Variants in MTR observed in about 807,000 individuals in gnomAD.
MTR encodes the protein 5-methyltetrahydrofolate-homocysteine methyltransferase.
A neutral mutation model predicts 154.8 loss-of-function variants in MTR; 84 were observed. That is an observed-to-expected ratio of 0.54 (90% CI 0.45 to 0.65). The LOEUF (loss-of-function observed/expected upper bound fraction) is 0.65. Ranked by LOEUF, MTR falls within the 30% of genes least tolerant of loss-of-function variation. MTR has a pLI of 0.00. For missense variants in MTR, 1,275 were observed against 1,570.2 expected (o/e 0.81, Z 3.18); for synonymous variants, 554 against 553.9 (o/e 1.00, Z 0.00).
At chr1:236,821,581 C>G (rs1322599198) in intron 8 of MTR, among the ~76,000 whole-genome samples, 2 of 152,048 alleles carry the variant, frequency 1.3e-5, no homozygotes, top group African/African-American at 4.8e-5. Context: ...TTCTAGTTAC[C>G]AGTTTTTTTT....
chr1:236,851,271 C>T (rs1454049435), intron 16 of MTR, among the ~76,000 whole-genome samples: 2 of 152,178 alleles, frequency 1.3e-5, no homozygotes, highest in African/African-American at 4.8e-5. Flanking sequence ...CAGCTCTCAT[C>T]CTGTACACAG....
chr1:236,876,861 C>T (rs999920267), intron 24 of MTR, among the ~76,000 whole-genome samples: 7 of 152,170 alleles, frequency 4.6e-5, no homozygotes, highest in African/African-American at 1.2e-4. Context: ...TCAGTTACTG[C>T]GAAATATCTA....
Position 236,827,827 on chromosome 1 carries a change from G to GT in MTR, c.995+937dup, listed in dbSNP as rs542111242. 2.5e-3 allele frequency among the ~76,000 whole-genome samples: 383 copies of GT among 152,196 alleles called. 2 individuals carry two copies. The highest frequency in any genetic ancestry group is 8.1e-3 in the African/African-American group (337 of 41,540). On this transcript the variant is annotated intron_variant, in intron 11 of 32. Transcript: ENST00000366577. ...ACATTGTTTAGGACTGTTTATATTTGTTTTTTCCCTGGAGTGACTGATGAT... is the reference window on the plus strand; with the variant it reads ...ACATTGTTTAGGACTGTTTATATTTGTTTTTTTCCCTGGAGTGACTGATGAT...
At chr1:236,797,786 C>A (rs1009811498) in intron 1 of MTR, among the ~76,000 whole-genome samples, 3 of 151,782 alleles carry the variant, frequency 2.0e-5, no homozygotes, top group African/African-American at 7.3e-5. Flanking sequence ...TGGTGAAACC[C>A]CATCTGTACT....
At chr1:236,859,724 G>A (rs1269167595) in intron 18 of MTR, 109 bp from the exon 19 acceptor site, 2 of 858,946 alleles carry the variant, frequency 2.3e-6, no homozygotes, top group South Asian at 1.4e-5. Flanking sequence ...GGCTGGAAAA[G>A]TAAAAGAAGA....
In MTR at chr1:236,903,007, G is replaced by C. The variant is rs1010998100; in HGVS notation, c.*5363G>C. Reference sequence around the variant, plus strand: ...AGAAGAGCTGGGCACAGTGTCACATGCCTGTAAACCCAGCTATTCAGGAGG... The same window carrying C: ...AGAAGAGCTGGGCACAGTGTCACATCCCTGTAAACCCAGCTATTCAGGAGG... On this transcript the variant is annotated 3_prime_UTR_variant, in exon 33 of 33. Transcript: ENST00000366577. 1 of 152,226 alleles carries C rather than the reference G, an allele frequency of 6.6e-6. No homozygotes were observed. Among genetic ancestry groups the C allele is most frequent in the Non-Finnish European group, 1.5e-5 (1 of 68,056 alleles). The allele number at this position is 152,226 out of a possible 1,614,324, so 9.4% of individuals were successfully genotyped here. A position where few individuals can be genotyped will look rare whatever the true frequency, so the allele number is the denominator to read the frequency against.
At chr1:236,860,088 C>G (rs991483809) in intron 19 of MTR, among the ~76,000 whole-genome samples, 166 bp downstream of exon 19, 3 of 64,536 alleles carry the variant, frequency 4.6e-5, no homozygotes, top group East Asian at 6.8e-4. Context: ...CCCCCCCCCC[C>G]CCACCATAGC....
intron 8 of MTR, among the ~76,000 whole-genome samples, chr1:236,823,412 G>T (rs1333625911): frequency 6.6e-6 from 1 of 152,156 alleles, no homozygotes; most frequent in Admixed American, 6.6e-5. Flanking sequence ...TCAGATTAGG[G>T]ATATTTAACC....
At position 236,797,616 on chromosome 1, in the gene MTR, AGG is replaced by A. The variant is rs57338877; in HGVS notation, c.34+1883_34+1884del. ...TTCTTCTCCGGCTTATTAAAATCAAAGGGGGAAATAATATATATTAAAAATGG... is the reference window on the plus strand; with the variant it reads ...TTCTTCTCCGGCTTATTAAAATCAAAGGGAAATAATATATATTAAAAATGG... On this transcript the variant is annotated intron_variant, in intron 1 of 32. Coordinates refer to ENST00000366577, the MANE Select transcript of MTR (RefSeq NM_000254.3). Among the ~76,000 whole-genome samples the A allele has an allele frequency of 1.5e-3, 223 of 152,234 alleles. 1 individual carries two copies. Among genetic ancestry groups the A allele is most frequent in the African/African-American group, 5.3e-3 (218 of 41,516 alleles).
intron 26 of MTR, 70 bp downstream of exon 26, chr1:236,885,289 G>A: frequency 2.0e-6 from 2 of 1,001,566 alleles, no homozygotes; most frequent in Admixed American, 3.5e-5. Flanking sequence ...TTTTTAATGT[G>A]ACTTTTTAAA....
chr1:236,897,835 C>G lies in MTR; in HGVS notation c.*191C>G, dbSNP rs559789717. The G allele has an allele frequency of 2.6e-5, 16 of 612,472 alleles. No individual in the cohort carries two copies. The African/African-American group carries it at 2.8e-4, about 11-fold the overall frequency. 37.9% of individuals were successfully genotyped at this position (612,472 alleles called of 1,614,324 possible). A position where few individuals can be genotyped will look rare whatever the true frequency, so the allele number is the denominator to read the frequency against. On this transcript the variant is annotated 3_prime_UTR_variant, in exon 33 of 33. Transcript: ENST00000366577. ...CTTCCTGCAGTGCCTGGAAAACAGG[C>G]GCTGTTTTTTTGGGACCTTGCGTGA...
Position 236,894,362 on chromosome 1 carries a change from G to T in MTR, c.3210G>T (p.Glu1070Asp). 1 of 1,614,226 alleles carries T rather than the reference G, an allele frequency of 6.2e-7. No homozygotes were observed. The highest frequency in any genetic ancestry group is 8.5e-7 in the Non-Finnish European group (1 of 1,180,038). The change falls in exon 30 of 33, where the codon GAG becomes GAT. Residue 1070 changes from glutamate to aspartate, a missense_variant. Physicochemically the swap from Glu to Asp is conservative, Grantham distance 45 (BLOSUM62 2). Coordinates refer to ENST00000366577, the MANE Select transcript of MTR (RefSeq NM_000254.3). The part of the protein sequence containing the change: ...ATFYGLRQQA[E>D]KDSASTEPYY... ...CTACACTCCTTGGTTTTAAGGCTGAGAAGGACTCTGCCAGCACGGAGCCAT... is the reference window on the plus strand; with the variant it reads ...CTACACTCCTTGGTTTTAAGGCTGATAAGGACTCTGCCAGCACGGAGCCAT...
In MTR at chr1:236,838,572, G is replaced by T; in HGVS notation, c.1488G>T (p.Val496=). ...TTAAAAAGTATGGAGCTGCTATGGT[G>T]GTCATGGCTTTTGATGAAGAAGGAC... is the stretch of plus-strand genomic sequence containing the variant. ...RKIKKYGAAM[V]VMAFDEEGQA... is the part of the protein sequence containing the mutation. Residue 496 remains valine, a synonymous_variant, in exon 15 of 33, where the codon GTG becomes GTT. Transcript: ENST00000366577. 1.2e-6 allele frequency: 2 copies of T among 1,614,096 alleles called. No individual in the cohort carries two copies. The highest frequency in any genetic ancestry group is 1.7e-6 in the Non-Finnish European group (2 of 1,179,994).
At position 236,889,190 on chromosome 1, in the gene MTR, C is replaced by T. The variant is rs146931200; in HGVS notation, c.2861C>T (p.Thr954Met). ...TACTTCTCTCCTGTAGTGAAGCCCACGTTTATTGGGACCCAGGTCTTTGAA... is the reference window on the plus strand; with the variant it reads ...TACTTCTCTCCTGTAGTGAAGCCCATGTTTATTGGGACCCAGGTCTTTGAA... Reference protein sequence around the residue: ...WLSEPHPVKPTFIGTQVFEDY... With the variant: ...WLSEPHPVKPMFIGTQVFEDY... Residue 954 changes from threonine to methionine, a missense_variant, in exon 28 of 33, where the codon ACG (threonine) becomes ATG (methionine). Physicochemically the swap from Thr to Met is moderately conservative, Grantham distance 81 (BLOSUM62 -1). Transcript: ENST00000366577. 77 of 1,614,012 alleles carry T rather than the reference C, an allele frequency of 4.8e-5. No homozygotes were observed. The highest frequency in any genetic ancestry group is 6.6e-5 in the South Asian group (6 of 91,076).
Position 236,868,377 on chromosome 1 carries a change from C to T in MTR, c.2405+4823C>T, listed in dbSNP as rs533054374. Among the ~76,000 whole-genome samples the T allele has an allele frequency of 3.3e-5, 5 of 152,056 alleles. No homozygotes were observed. The South Asian group carries it at 1.0e-3, about 31-fold the overall frequency. Reference sequence around the variant, plus strand: ...ATAATAGAGTACAGTATAGTGTGAACATAACTTTTATATGCATTGAGAAAC... The same window carrying T: ...ATAATAGAGTACAGTATAGTGTGAATATAACTTTTATATGCATTGAGAAAC... On this transcript the variant is annotated intron_variant, in intron 22 of 32. Coordinates refer to ENST00000366577, the MANE Select transcript of MTR (RefSeq NM_000254.3).
At position 236,897,700 on chromosome 1, in the gene MTR, T is replaced by A. The variant is rs946729660; in HGVS notation, c.*56T>A. The A allele has an allele frequency of 2.8e-5, 40 of 1,434,442 alleles. No individual in the cohort carries two copies. The highest frequency in any genetic ancestry group is 3.8e-5 in the Non-Finnish European group (39 of 1,023,898). The allele number at this position is 1,434,442 out of a possible 1,614,324, so 88.9% of individuals were successfully genotyped here. On this transcript the variant is annotated 3_prime_UTR_variant, in exon 33 of 33. Coordinates refer to ENST00000366577, the MANE Select transcript of MTR (RefSeq NM_000254.3). Reference sequence around the variant, plus strand: ...TGATGATCCTCAAGGAAATACAACCTAGGGTGCCTTAAAAATAACAACAAC... The same window carrying A: ...TGATGATCCTCAAGGAAATACAACCAAGGGTGCCTTAAAAATAACAACAAC...
rs554663651 is a variant in MTR, at chr1:236,795,446, A to G, written c.-258A>G. Reference sequence around the variant, plus strand: ...CGTGTCTGGCTGCTAGGCCGACACCAAGGACTGGCCGGGTACCCGGGAAGA... The same window carrying G: ...CGTGTCTGGCTGCTAGGCCGACACCGAGGACTGGCCGGGTACCCGGGAAGA... On this transcript the variant is annotated 5_prime_UTR_variant, in exon 1 of 33. Transcript: ENST00000366577. 11 of 1,488,864 alleles carry G rather than the reference A, an allele frequency of 7.4e-6. No individual in the cohort carries two copies. The highest frequency in any genetic ancestry group is 7.2e-5 in the South Asian group (6 of 82,810). 92.2% of individuals were successfully genotyped at this position (1,488,864 alleles called of 1,614,324 possible).
rs775110046 is a variant in MTR at position 236,861,113 on chromosome 1, T to C, written c.2044-12T>C. The C allele has an allele frequency of 6.7e-7, 1 of 1,497,470 alleles. No homozygotes were observed. Among genetic ancestry groups the C allele is most frequent in the South Asian group, 1.3e-5 (1 of 77,454 alleles). 92.8% of individuals were successfully genotyped at this position (1,497,470 alleles called of 1,614,324 possible). A position where few individuals can be genotyped will look rare whatever the true frequency, so the allele number is the denominator to read the frequency against. ...TTTCTTTTTCTTTTTTTTTTTTTTT[T>C]GTCTTTTTTAGGGCATTGAAAAACA... is the stretch of plus-strand genomic sequence containing the variant. On this transcript the variant is annotated splice_polypyrimidine_tract_variant and intron_variant, in intron 19 of 32. Coordinates refer to ENST00000366577, the MANE Select transcript of MTR (RefSeq NM_000254.3).
At chr1:236,829,356 A>C in intron 12 of MTR, 88 bp downstream of exon 12, 1 of 1,113,020 alleles carries the variant, frequency 9.0e-7, no homozygotes, top group South Asian at 1.2e-5. Flanking sequence ...TGTGCTAGGC[A>C]GCTTGCTTAT....
Sources: gnomAD v4.1 joint callset for allele counts (sites outside exome capture counted in the v4.1 genomes callset) on GRCh38, gnomAD v4.1.1 for gene constraint, MANE v1.5 for transcripts, NCBI Gene and HGNC (gene_info 2026-07-23, HGNC 2026-07-21) for gene names.